Variants in DPY19L1 observed in about 807,000 individuals in gnomAD.
The protein encoded by DPY19L1 is protein C-mannosyl-transferase DPY19L1.
Under a neutral mutation model 96.9 loss-of-function variants are expected in DPY19L1, and 35 were observed. The observed-to-expected ratio is 0.36, with a 90% CI of 0.28 to 0.48. The LOEUF (loss-of-function observed/expected upper bound fraction) is 0.48. Ranked by LOEUF, DPY19L1 falls within the 20% of genes least tolerant of loss-of-function variation. The pLI, the probability that DPY19L1 is intolerant of heterozygous loss-of-function variation, is 0.99. For synonymous variants in DPY19L1, 205 were observed against 252.6 expected (o/e 0.81, Z 1.79); for missense variants, 521 against 777.9 (o/e 0.67, Z 3.93).
intron 1 of DPY19L1, among the ~76,000 whole-genome samples, chr7:35,019,509 AAAG>A (rs200209736): frequency 0.012 from 1,894 of 152,150 alleles, 11 homozygotes; most frequent in Non-Finnish European, 0.017. Context: ...AAGGAAAAAG[AAAG>A]AAGAAGAAGG....
intron 5 of DPY19L1, among the ~76,000 whole-genome samples, chr7:35,010,888 G>A (rs1785695088): frequency 6.6e-6 from 1 of 152,150 alleles, no homozygotes; most frequent in African/African-American, 2.4e-5. Flanking sequence ...TGACTTCTGA[G>A]GCTAGGTCAT....
rs181156402 is a variant in DPY19L1 at position 34,978,141 on chromosome 7, A to G, written c.823-4536T>C. Among the ~76,000 whole-genome samples the G allele has an allele frequency of 4.5e-3, 691 of 152,284 alleles. 4 individuals are homozygous for G. The highest frequency in any genetic ancestry group is 6.6e-3 in the Non-Finnish European group (447 of 67,998). On this transcript the variant is annotated intron_variant, in intron 7 of 21. Transcript: ENST00000638088. ...AGTATGATCTAATTGATTTATCTTC[A>G]TAACTTCAAAATAAATAGAAGAACA... is the stretch of plus-strand genomic sequence containing the variant.
In DPY19L1 at chr7:34,931,435, C is replaced by A; in HGVS notation, c.*138G>T. 4 of 1,188,834 alleles carry A rather than the reference C, an allele frequency of 3.4e-6. No homozygotes were observed. The highest frequency in any genetic ancestry group is 4.5e-6 in the Non-Finnish European group (4 of 898,740). The allele number at this position is 1,188,834 out of a possible 1,614,324, so 73.6% of individuals were successfully genotyped here. A position where few individuals can be genotyped will look rare whatever the true frequency, so the allele number is the denominator to read the frequency against. ...TCATTTTTATAATTAGAATGACATT[C>A]AAATTGACCAAATAAAACGTTTTCT... On this transcript the variant is annotated 3_prime_UTR_variant, in exon 22 of 22. Coordinates refer to ENST00000638088, the MANE Select transcript of DPY19L1 (RefSeq NM_001366673.1).
At chr7:34,968,768 C>CGAA (rs1784662700) in intron 9 of DPY19L1, among the ~76,000 whole-genome samples, 1 of 8,888 alleles carries the variant, frequency 1.1e-4, no homozygotes, top group Non-Finnish European at 2.1e-4. Context: ...GACTCCATCG[C>CGAA]AAAAAAAAAA....
At chr7:35,025,040 CATT>C (rs1305906407) in intron 1 of DPY19L1, among the ~76,000 whole-genome samples, 5 of 152,162 alleles carry the variant, frequency 3.3e-5, no homozygotes, top group Non-Finnish European at 5.9e-5. Flanking sequence ...GAAGCATTCC[CATT>C]ACATGAAGGT....
chr7:34,997,725 G>T (rs965634969), intron 6 of DPY19L1, among the ~76,000 whole-genome samples: 2 of 151,580 alleles, frequency 1.3e-5, no homozygotes, highest in African/African-American at 4.9e-5. Context: ...GCAAATGCTT[G>T]ATTTTTTTAA....
In DPY19L1 at chr7:34,940,232, G is replaced by C. The variant is rs1384972186; in HGVS notation, c.1785C>G (p.Thr595=). The C allele has an allele frequency of 1.9e-6, 3 of 1,611,212 alleles. No individual in the cohort carries two copies. In the African/African-American group the frequency reaches 4.0e-5, roughly 22 times the overall value. Residue 595 remains threonine, a synonymous_variant, in exon 19 of 22, where the codon ACC becomes ACG. Coordinates refer to ENST00000638088, the MANE Select transcript of DPY19L1 (RefSeq NM_001366673.1). Reference sequence around the variant, plus strand: ...TGAACTCCCCTACAATATTCCACTGGGTTTGCAGATTTGCTGAACCTTGTA... The same window carrying C: ...TGAACTCCCCTACAATATTCCACTGCGTTTGCAGATTTGCTGAACCTTGTA... ...MSIQGSANLQ[T]QWNIVGEFSN...
chr7:34,965,130 TACC>T (rs1330174095), intron 10 of DPY19L1, among the ~76,000 whole-genome samples: 15 of 152,294 alleles, frequency 9.8e-5, no homozygotes, highest in African/African-American at 3.4e-4. Flanking sequence ...ACAAGTTTAC[TACC>T]AGGTAAATAC....
intron 1 of DPY19L1, among the ~76,000 whole-genome samples, chr7:35,024,798 C>T (rs1414167359): frequency 6.6e-6 from 1 of 152,206 alleles, no homozygotes; most frequent in African/African-American, 2.4e-5. Context: ...GATTACAGCA[C>T]CTAAATAGCT....
intron 2 of DPY19L1, 52 bp from the exon 3 acceptor site, chr7:35,018,021 T>C (rs1447112025): frequency 5.2e-6 from 7 of 1,337,152 alleles, no homozygotes; most frequent in Non-Finnish European, 7.2e-6. Context: ...CTAAGTATTA[T>C]TTTTTAAAGT....
At chr7:34,962,424 C>T (rs934322682) in intron 10 of DPY19L1, among the ~76,000 whole-genome samples, 30 of 152,100 alleles carry the variant, frequency 2.0e-4, no homozygotes, top group Admixed American at 5.2e-4. Context: ...AAAAGATCAG[C>T]GGCTGCCATG....
chr7:34,939,287 G>A lies in DPY19L1; in HGVS notation c.1953C>T (p.Asp651=), dbSNP rs534879118. ...RPIVNHPHYE[D]AGLRARTKIV... ...GACTGTGCACTGACCTCAAGCCTGC[G>A]TCTTCATAATGTGGATGATTCACAA... The change falls in exon 20 of 22, where the codon GAC becomes GAT. Residue 651 remains aspartate (D), a synonymous_variant. Transcript: ENST00000638088. 4.3e-5 allele frequency: 70 copies of A among 1,613,306 alleles called. No homozygotes were observed. The highest frequency in any genetic ancestry group is 2.9e-4 in the African/African-American group (22 of 75,020).
Position 35,013,581 on chromosome 7 carries a change from T to C in DPY19L1, c.536A>G (p.Asn179Ser), listed in dbSNP as rs769959899. 12 of 1,609,308 alleles carry C rather than the reference T, an allele frequency of 7.5e-6. No individual in the cohort carries two copies. The highest frequency in any genetic ancestry group is 4.0e-5 in the African/African-American group (3 of 74,808). ...PLVINTLKRF[N>S]LYPEVILASW... ...AAAGTACCTTACCTCAGGGTAAAGA[T>C]TGAATCTTTTTAATGTATTAATGAC... Residue 179 changes from asparagine (N) to serine (S), a missense_variant, in exon 4 of 22, where the codon AAT (asparagine) becomes AGT (serine). Coordinates refer to ENST00000638088, the MANE Select transcript of DPY19L1 (RefSeq NM_001366673.1).
chr7:35,037,451 G>A lies in DPY19L1; in HGVS notation c.-57C>T, dbSNP rs1335376525. 3 of 312,244 alleles carry A rather than the reference G, an allele frequency of 9.6e-6. No homozygotes were observed. The East Asian group carries it at 1.4e-4, about 15-fold the overall frequency. The allele number at this position is 312,244 out of a possible 1,614,324, so 19.3% of individuals were successfully genotyped here. Reference sequence around the variant, plus strand: ...GCCCGGACGGCGGCCAGAGAACGGCGGGCTGGCTGGGCGGCTGGGCGCAGC... The same window carrying A: ...GCCCGGACGGCGGCCAGAGAACGGCAGGCTGGCTGGGCGGCTGGGCGCAGC... On this transcript the variant is annotated 5_prime_UTR_variant, in exon 1 of 22. Transcript: ENST00000638088.
chr7:35,003,111 CCAAA>C (rs1785468277), intron 6 of DPY19L1, among the ~76,000 whole-genome samples: 1 of 152,144 alleles, frequency 6.6e-6, no homozygotes, highest in African/African-American at 2.4e-5. Flanking sequence ...CAACACTCGG[CCAAA>C]CAGTGAACCA....
chr7:34,932,022 A>G (rs533317881), intron 21 of DPY19L1, among the ~76,000 whole-genome samples: 141 of 152,324 alleles, frequency 9.3e-4, no homozygotes, highest in Non-Finnish European at 1.7e-3. Flanking sequence ...CTACTTATCA[A>G]GAATGTGGTT....
intron 13 of DPY19L1, among the ~76,000 whole-genome samples, chr7:34,953,260 A>G (rs957298823): frequency 6.6e-6 from 1 of 152,264 alleles, no homozygotes; most frequent in Non-Finnish European, 1.5e-5. Flanking sequence ...TACTAAAGTT[A>G]CAACTAAGTT....
intron 6 of DPY19L1, among the ~76,000 whole-genome samples, chr7:34,991,499 T>C (rs1413282264): frequency 6.6e-6 from 1 of 152,164 alleles, no homozygotes; most frequent in Non-Finnish European, 1.5e-5. Context: ...TCCTGAAAGG[T>C]GTACCACATC....
At chr7:34,983,037 T>A (rs1015981765) in intron 7 of DPY19L1, among the ~76,000 whole-genome samples, 1 of 152,230 alleles carries the variant, frequency 6.6e-6, no homozygotes, top group African/African-American at 2.4e-5. Flanking sequence ...GAAATCACTG[T>A]AATTCATTTG....
Sources: gnomAD v4.1 joint callset for allele counts (sites outside exome capture counted in the v4.1 genomes callset) on GRCh38, gnomAD v4.1.1 for gene constraint, MANE v1.5 for transcripts, NCBI Gene and HGNC (gene_info 2026-07-23, HGNC 2026-07-21) for gene names.